The following DAB1 variants were observed in gnomAD, a reference collection of about 807,000 sequenced individuals.
The protein encoded by DAB1 is DAB adaptor protein 1.
A neutral mutation model predicts 64.6 loss-of-function variants in DAB1; 15 were observed. That is an observed-to-expected ratio of 0.23 (90% CI 0.16 to 0.36). DAB1 has a LOEUF of 0.36. Ranked by LOEUF, DAB1 falls within the 10% of genes least tolerant of loss-of-function variation. The pLI is 1.00. For synonymous variants in DAB1, 235 were observed against 251.9 expected, an observed-to-expected ratio of 0.93 and a Z score of 0.64; for missense variants, 596 against 706.7, an observed-to-expected ratio of 0.84 and a Z score of 1.78.
chr1:57,365,271 A>G (rs1425964907), intron 1 of DAB1, among the ~76,000 whole-genome samples: 3 of 140,438 alleles, frequency 2.1e-5, no homozygotes, highest in East Asian at 3.9e-4. Flanking sequence ...AAGAATATAT[A>G]TAAATATATA....
chr1:57,247,125 G>A (rs1668946511), intron 2 of DAB1, among the ~76,000 whole-genome samples: 1 of 152,128 alleles, frequency 6.6e-6, no homozygotes, highest in Non-Finnish European at 1.5e-5. Flanking sequence ...ATGTGAGAAG[G>A]ACATGCGATT....
intron 3 of DAB1, among the ~76,000 whole-genome samples, chr1:58,492,002 C>G (rs1463911559): frequency 6.6e-6 from 1 of 152,092 alleles, no homozygotes; most frequent in Non-Finnish European, 1.5e-5. Flanking sequence ...CAAAATTGAC[C>G]ACATAGTTGG....
At chr1:58,448,797 C>T (rs923521666) in intron 3 of DAB1, among the ~76,000 whole-genome samples, 5 of 152,264 alleles carry the variant, frequency 3.3e-5, no homozygotes, top group African/African-American at 7.2e-5. Context: ...CTGAGTAAAA[C>T]GCTTGCATCC....
intron 7 of DAB1, among the ~76,000 whole-genome samples, chr1:57,585,916 C>A (rs1003603203): frequency 6.6e-6 from 1 of 152,052 alleles, no homozygotes; most frequent in Non-Finnish European, 1.5e-5. Context: ...TTCTTTGAAC[C>A]AGCTGTGGAG....
At chr1:58,096,018 T>G (rs1251864089) in intron 5 of DAB1, among the ~76,000 whole-genome samples, 1 of 152,200 alleles carries the variant, frequency 6.6e-6, no homozygotes, top group South Asian at 2.1e-4. Context: ...CAGATTCAGC[T>G]GTGGGGTGAT....
intron 1 of DAB1, among the ~76,000 whole-genome samples, chr1:57,339,433 G>C (rs988331250): frequency 2.6e-5 from 4 of 152,222 alleles, no homozygotes; most frequent in African/African-American, 9.6e-5. Context: ...TGGGATTACA[G>C]GCGTGAGCAC....
chr1:57,510,302 G>A (rs1354944788), intron 7 of DAB1, among the ~76,000 whole-genome samples: 1 of 152,020 alleles, frequency 6.6e-6, no homozygotes, highest in African/African-American at 2.4e-5. Flanking sequence ...CCTCCTTCTT[G>A]GAGTGCTCTC....
At chr1:57,197,660 C>T (rs1353764831) in intron 2 of DAB1, among the ~76,000 whole-genome samples, 1 of 152,180 alleles carries the variant, frequency 6.6e-6, no homozygotes, top group Non-Finnish European at 1.5e-5. Context: ...CCACGGACTA[C>T]TCAGGAGAGC....
Position 57,014,996 on chromosome 1 carries a change from G to C in DAB1, c.1331C>G (p.Ser444Cys). The C allele has an allele frequency of 6.2e-7, 1 of 1,614,182 alleles. No individual in the cohort carries two copies. The highest frequency in any genetic ancestry group is 8.5e-7 in the Non-Finnish European group (1 of 1,180,040). Residue 444 changes from serine (S) to cysteine (C), a missense_variant, in exon 12 of 15, where the codon TCC (serine) becomes TGC (cysteine). Physicochemically the swap from Ser to Cys is moderately radical, Grantham distance 112. This residue lies in a region of DAB1 where 377 missense variants were observed against 400.4 expected (regional missense o/e 0.94). Coordinates refer to ENST00000371236, the MANE Select transcript of DAB1 (RefSeq NM_001365792.1). ...CACCCCGACTTTGTTGAAGTAACTG[G>C]AGAAGGCCTCTGAGGTACAGGTGAG... ...PSLTCTSEAF[S>C]SYFNKVGVAQ...
chr1:58,269,120 C>T (rs1400394340), intron 4 of DAB1, among the ~76,000 whole-genome samples: 2 of 149,778 alleles, frequency 1.3e-5, no homozygotes, highest in Non-Finnish European at 3.0e-5. Context: ...CCCACTAACT[C>T]GTCATCTAGC....
intron 9 of DAB1, among the ~76,000 whole-genome samples, chr1:57,053,303 AAT>A (rs1649375678): frequency 6.6e-6 from 1 of 152,070 alleles, no homozygotes; most frequent in Non-Finnish European, 1.5e-5. Context: ...GCTGGAGTGC[AAT>A]TGTGCAATCA....
chr1:58,287,345 G>T (rs754381432), intron 4 of DAB1, among the ~76,000 whole-genome samples: 4 of 152,124 alleles, frequency 2.6e-5, no homozygotes, highest in African/African-American at 9.7e-5. Context: ...AAAGATACAG[G>T]TTTAAAACAA....
chr1:58,005,626 A>G (rs1646570909), intron 5 of DAB1, among the ~76,000 whole-genome samples: 1 of 144,270 alleles, frequency 6.9e-6, no homozygotes, highest in South Asian at 2.3e-4. Flanking sequence ...AAAAAAAAAA[A>G]GGCAGTGCCT....
At chr1:58,035,932 A>C (rs1211244012) in intron 5 of DAB1, among the ~76,000 whole-genome samples, 1 of 152,194 alleles carries the variant, frequency 6.6e-6, no homozygotes, top group East Asian at 1.9e-4. Flanking sequence ...CTTTGACTTC[A>C]AATTGTGTCT....
intron 5 of DAB1, among the ~76,000 whole-genome samples, chr1:58,088,069 C>G (rs1650428346): frequency 6.6e-6 from 1 of 152,222 alleles, no homozygotes; most frequent in Non-Finnish European, 1.5e-5. Context: ...CCATAAATGT[C>G]AGCCTGGCAC....
chr1:57,033,588 G>T (rs1484671154), intron 9 of DAB1: 1 of 1,608,576 alleles, frequency 6.2e-7, no homozygotes, highest in African/African-American at 1.3e-5. Flanking sequence ...AAGTGGAAGG[G>T]ATGATGAATG....
intron 3 of DAB1, among the ~76,000 whole-genome samples, chr1:58,458,747 T>C (rs1316908951): frequency 2.6e-5 from 4 of 151,892 alleles, no homozygotes; most frequent in Non-Finnish European, 5.9e-5. Flanking sequence ...GAGGTTGCAG[T>C]GAACTGAGAT....
intron 7 of DAB1, among the ~76,000 whole-genome samples, chr1:57,612,195 T>TTGTGTGTGTG (rs58605325): frequency 0.17 from 25,496 of 149,526 alleles, 2,212 homozygotes; most frequent in South Asian, 0.24. Flanking sequence ...TGGCATGATC[T>TTGTGTGTGTG]TGTGTGTGTG....
intron 7 of DAB1, among the ~76,000 whole-genome samples, chr1:57,606,587 ATATAT>A (rs1285871162): frequency 3.1e-5 from 2 of 64,952 alleles, no homozygotes; most frequent in South Asian, 4.4e-4. Flanking sequence ...ATATAATATA[ATATAT>A]TATATATTAT....
Sources: gnomAD v4.1 joint callset for allele counts (sites outside exome capture counted in the v4.1 genomes callset) on GRCh38, gnomAD v4.1.1 for gene constraint, gnomAD v4.1.1 regional missense constraint, MANE v1.5 for transcripts, NCBI Gene and HGNC (gene_info 2026-07-23, HGNC 2026-07-21) for gene names.